Variants in MUTYH observed in about 807,000 individuals in gnomAD.
MUTYH encodes mutY DNA glycosylase, also known as adenine DNA glycosylase.
A neutral mutation model predicts 72.9 loss-of-function variants in MUTYH; 64 were observed. The ratio of observed to expected loss-of-function variants is 0.88; its 90% CI spans 0.72 to 1.08. The LOEUF is 1.08. MUTYH is among the 50% of genes least tolerant of loss of function. The probability of loss-of-function intolerance (pLI) is 0.00; values close to 1 mark genes in which losing one functional copy is unlikely to be tolerated. For synonymous variants in MUTYH, 234 were observed against 263.1 expected (o/e 0.89, Z 1.07); for missense variants, 633 against 671.0 (o/e 0.94, Z 0.63).
At position 45,331,660 on chromosome 1, in the gene MUTYH, C is replaced by T. The variant is rs587781337; in HGVS notation, c.1102+1G>A. ...GCCCTCCACGCCCAGTATCCAGGTA[C>T]CTGAGTTGGGCCTCTGCACCAGCAG... is the stretch of plus-strand genomic sequence containing the variant. On this transcript the variant is annotated splice_donor_variant, in intron 12 of 15. Coordinates refer to ENST00000456914, the MANE Select transcript of MUTYH (RefSeq NM_001048174.2). LOFTEE classifies it high-confidence loss of function. 8 of 1,613,716 alleles carry T rather than the reference C, an allele frequency of 5.0e-6. No individual in the cohort carries two copies. The highest frequency in any genetic ancestry group is 1.3e-5 in the African/African-American group (1 of 74,938).
Position 45,332,172 on chromosome 1 carries a change from G to A in MUTYH, c.843C>T (p.Arg281=). 6.2e-7 allele frequency: 1 copy of A among 1,614,196 alleles called. No homozygotes were observed. Among genetic ancestry groups the A allele is most frequent in the Non-Finnish European group, 8.5e-7 (1 of 1,180,034 alleles). The change falls in exon 10 of 16, where the codon CGC becomes CGT. Residue 281 remains arginine, a synonymous_variant. Transcript: ENST00000456914. ...CCTTCCCCAGTAGGCTTACTCTCTG[G>A]CGTGCCCGGCACAGGCTCTCCACAG... ...QCPVESLCRA[R]QRVEQEQLLA... is the part of the protein sequence containing the mutation.
chr1:45,333,423 C>T lies in MUTYH; in HGVS notation c.254G>A (p.Trp85Ter), dbSNP rs888691362. 1 of 1,614,116 alleles carries T rather than the reference C, an allele frequency of 6.2e-7. No homozygotes were observed. Among genetic ancestry groups the T allele is most frequent in the African/African-American group, 1.3e-5 (1 of 74,938 alleles). The change falls in exon 3 of 16, where the codon TGG (tryptophan) becomes TAG (stop). Residue 85 changes from tryptophan to a stop codon, truncating the protein, a stop_gained. Coordinates refer to ENST00000456914, the MANE Select transcript of MUTYH (RefSeq NM_001048174.2). LOFTEE classifies it high-confidence loss of function. ...TCCTCGCCTGCCTACCCGTCTTCTCCATGGTAGGTCCCGTTTCTCTTGGTC... is the reference window on the plus strand; with the variant it reads ...TCCTCGCCTGCCTACCCGTCTTCTCTATGGTAGGTCCCGTTTCTCTTGGTC... ...WYDQEKRDLP[W>*]RRRAEDEMDL...
chr1:45,340,390 C>G, upstream of MUTYH: 1 of 1,548,468 alleles, frequency 6.5e-7, no homozygotes, highest in Non-Finnish European at 8.7e-7. Context: ...AGAGGCTCCT[C>G]AAGCTTCAGA....
At chr1:45,330,437 A>G in intron 15 of MUTYH, 79 bp downstream of exon 15, 1 of 1,440,284 alleles carries the variant, frequency 6.9e-7, no homozygotes, top group Non-Finnish European at 9.6e-7. Flanking sequence ...GTTCACCCAG[A>G]CATTCGTTAG....
chr1:45,338,453 A>G (rs1436604430), intron 1 of MUTYH: 1 of 390,562 alleles, frequency 2.6e-6, no homozygotes, highest in Non-Finnish European at 4.9e-6. Context: ...TGAAATGTCC[A>G]AATCAGGTCC....
chr1:45,332,419 TG>T lies in MUTYH; in HGVS notation c.675del (p.Ser226AlafsTer12). ...LCRVRAIGAD[P>X]SSTLVSQQLW... ...AGCTGCTGGGAAACAAGGGTGCTGC[TG>T]GGATCAGCACCAATGGCTCGGACAC... On this transcript the variant is annotated frameshift_variant, in exon 9 of 16. Coordinates refer to ENST00000456914, the MANE Select transcript of MUTYH (RefSeq NM_001048174.2). LOFTEE classifies it high-confidence loss of function. The T allele has an allele frequency of 6.2e-7, 1 of 1,614,192 alleles. No individual in the cohort carries two copies. The highest frequency in any genetic ancestry group is 2.2e-5 in the East Asian group (1 of 44,878).
chr1:45,330,355 C>G (rs1644581163), intron 15 of MUTYH, among the ~76,000 whole-genome samples, 161 bp downstream of exon 15: 1 of 152,154 alleles, frequency 6.6e-6, no homozygotes, highest in East Asian at 1.9e-4. Context: ...TTCCCTCTAC[C>G]CTGCACCCCA....
At chr1:45,339,402 C>A (rs1287051684) in intron 1 of MUTYH, among the ~76,000 whole-genome samples, 2 of 151,436 alleles carry the variant, frequency 1.3e-5, no homozygotes, top group African/African-American at 2.4e-5. Context: ...TTAGTAGAGA[C>A]GGGGTTTCAC....
chr1:45,333,444 T>A lies in MUTYH; in HGVS notation c.233A>T (p.Gln78Leu), dbSNP rs1553130148. 1.2e-6 allele frequency: 2 copies of A among 1,614,242 alleles called. No individual in the cohort carries two copies. Among genetic ancestry groups the A allele is most frequent in the Non-Finnish European group, 1.7e-6 (2 of 1,180,030 alleles). ...TCTCCATGGTAGGTCCCGTTTCTCT[T>A]GGTCGTACCAGCTTAGCAGGCTCCC... is the stretch of plus-strand genomic sequence containing the variant. ...FRGSLLSWYD[Q>L]EKRDLPWRRR... Residue 78 changes from glutamine to leucine, a missense_variant, in exon 3 of 16, where the codon CAA becomes CTA. Gln to Leu is a moderately radical substitution (Grantham distance 113). Coordinates refer to ENST00000456914, the MANE Select transcript of MUTYH (RefSeq NM_001048174.2).
At chr1:45,340,418 T>C, upstream of MUTYH, 1 of 1,531,592 alleles carries the variant, frequency 6.5e-7, no homozygotes, top group Non-Finnish European at 8.8e-7. Context: ...TCCTTCCGCC[T>C]GAACTAGCCA....
In MUTYH at chr1:45,333,561, C is replaced by A. The variant is rs1352377479; in HGVS notation, c.116G>T (p.Gly39Val). ...CACCTCTTCCGGCTGCCTGGCCAGG[C>A]CTGCTGGGGCCCCAGGACACTCAGC... ...NSQAKPSACD[G>V]LARQPEEVVL... is the part of the protein sequence containing the mutation. Residue 39 changes from glycine to valine, a missense_variant and splice_region_variant, in exon 3 of 16, where the codon GGC becomes GTC. By Grantham distance (109) the Gly-to-Val change is moderately radical. Coordinates refer to ENST00000456914, the MANE Select transcript of MUTYH (RefSeq NM_001048174.2). 1.2e-6 allele frequency: 2 copies of A among 1,613,530 alleles called. No individual in the cohort carries two copies. Among genetic ancestry groups the A allele is most frequent in the Non-Finnish European group, 1.7e-6 (2 of 1,179,608 alleles).
At chr1:45,336,045 C>T (rs1461606764) in intron 1 of MUTYH, among the ~76,000 whole-genome samples, 1 of 152,214 alleles carries the variant, frequency 6.6e-6, no homozygotes, top group African/African-American at 2.4e-5. Context: ...TGAACAAACC[C>T]TTTCACAGGT....
At chr1:45,332,872 A>T (rs758486817) in intron 6 of MUTYH, 38 bp from the exon 7 acceptor site, 8 of 1,614,010 alleles carry the variant, frequency 5.0e-6, no homozygotes, top group Non-Finnish European at 6.8e-6. Context: ...ATCACCCGTC[A>T]GTCCCTCTAT....
At chr1:45,334,101 G>T in intron 2 of MUTYH, 1 of 416,396 alleles carries the variant, frequency 2.4e-6, no homozygotes. Flanking sequence ...CTGCCTTCCA[G>T]GCTCAAGCGA....
At chr1:45,333,370 G>T in intron 3 of MUTYH, 43 bp downstream of exon 3, 1 of 1,613,922 alleles carries the variant, frequency 6.2e-7, no homozygotes, top group Non-Finnish European at 8.5e-7. Flanking sequence ...AGGGGGCTGG[G>T]TGCCTGCCTC....
intron 1 of MUTYH, among the ~76,000 whole-genome samples, chr1:45,339,205 ATTT>A (rs60609540): frequency 5.1e-5 from 6 of 118,192 alleles, no homozygotes; most frequent in African/African-American, 3.4e-5. Flanking sequence ...TCCAATAGGA[ATTT>A]TTTTTTTTTT....
chr1:45,340,042 G>A (rs998064862), upstream of MUTYH: 2 of 1,541,130 alleles, frequency 1.3e-6, no homozygotes, highest in Non-Finnish European at 1.8e-6. Flanking sequence ...GGTCCACCCG[G>A]GCTGCGAGCC....
At position 45,334,422 on chromosome 1, in the gene MUTYH, G is replaced by A. The variant is rs200514222; in HGVS notation, c.84C>T (p.Asn28=). 1.2e-6 allele frequency: 2 copies of A among 1,614,148 alleles called. No homozygotes were observed. The highest frequency in any genetic ancestry group is 1.3e-5 in the African/African-American group (1 of 75,054). The part of the protein sequence containing the change: ...SQEGRQKHAK[N]NSQAKPSACD... ...AGGCAGAAGGCTTGGCCTGACTGTT[G>A]TTCTTAGCATGCTTCTGCCTCCCTT... The change falls in exon 2 of 16, where the codon AAC becomes AAT. Residue 28 remains asparagine, a synonymous_variant. Transcript: ENST00000456914.
At chr1:45,332,108 G>A in intron 10 of MUTYH, 22 bp from the exon 11 acceptor site, 1 of 1,614,212 alleles carries the variant, frequency 6.2e-7, no homozygotes, top group Non-Finnish European at 8.5e-7. Context: ...AGGGTTGAGT[G>A]TCATAGGGCA....
Sources: gnomAD v4.1 joint callset for allele counts (sites outside exome capture counted in the v4.1 genomes callset) on GRCh38, gnomAD v4.1.1 for gene constraint, MANE v1.5 for transcripts, NCBI Gene and HGNC (gene_info 2026-07-23, HGNC 2026-07-21) for gene names.